The following HIRA variants were observed in gnomAD, a reference collection of about 807,000 sequenced individuals.
HIRA encodes the protein protein HIRA.
Under a neutral mutation model 126.6 loss-of-function variants are expected in HIRA, and 13 were observed. The observed-to-expected ratio is 0.10, with a 90% CI of 0.07 to 0.16. HIRA has a LOEUF of 0.16. Ranked by LOEUF, HIRA falls within the 10% of genes least tolerant of loss-of-function variation. The pLI is 1.00. For synonymous variants in HIRA, 511 were observed against 520.0 expected (o/e 0.98, Z 0.24); for missense variants, 834 against 1,314.4 (o/e 0.63, Z 5.65).
rs760656913 is a variant in HIRA, at chr22:19,353,430, G to A, written c.2774C>T (p.Ala925Val). 28 of 1,612,888 alleles carry A rather than the reference G, an allele frequency of 1.7e-5. No homozygotes were observed. The highest frequency in any genetic ancestry group is 2.2e-5 in the Non-Finnish European group (26 of 1,179,908). Reference protein sequence around the residue: ...TLAYLENQVAAALTLQSSHEY... With the variant: ...TLAYLENQVAVALTLQSSHEY... ...GTGGCTGGACTGCAGGGTGAGTGCTGCTGCCACCTGGTTCTCTAGGTAGGC... is the reference window on the plus strand; with the variant it reads ...GTGGCTGGACTGCAGGGTGAGTGCTACTGCCACCTGGTTCTCTAGGTAGGC... The change falls in exon 23 of 25, where the codon GCA becomes GTA. Residue 925 changes from alanine (A) to valine (V), a missense_variant. Ala to Val is a moderately conservative substitution (Grantham distance 64). Around this residue, in one of 5 missense-constraint regions of HIRA, gnomAD observed 468 missense variants for 574.2 expected, o/e 0.82. Transcript: ENST00000263208.
At chr22:19,373,392 A>G (rs528550711) in intron 15 of HIRA, among the ~76,000 whole-genome samples, 3 of 152,292 alleles carry the variant, frequency 2.0e-5, no homozygotes, top group Admixed American at 6.5e-5. Context: ...CCCAGTAAGT[A>G]TGTCTCCTGA....
intron 15 of HIRA, among the ~76,000 whole-genome samples, chr22:19,371,776 T>G (rs1465237243): frequency 6.6e-6 from 1 of 152,236 alleles, no homozygotes; most frequent in African/African-American, 2.4e-5. Flanking sequence ...CTTTAAGGTT[T>G]ATCGTTATTG....
At position 19,356,959 on chromosome 22, in the gene HIRA, G is replaced by A. The variant is rs781966878; in HGVS notation, c.2327C>T (p.Pro776Leu). The change falls in exon 19 of 25, where the codon CCG becomes CTG. Residue 776 changes from proline to leucine, a missense_variant. Physicochemically the swap from Pro to Leu is moderately conservative, Grantham distance 98. Coordinates refer to ENST00000263208, the MANE Select transcript of HIRA (RefSeq NM_003325.4). ...GCCTGTGCAATGCAAAGTAGAGATC[G>A]GGGATGGCAGGAGGATGGGAGAGAG... ...RLLSPILLPS[P>L]ISTLHCTGSY... 1.5e-5 allele frequency: 25 copies of A among 1,613,908 alleles called. No individual in the cohort carries two copies. The Middle Eastern group carries it at 4.9e-4, about 32-fold the overall frequency.
Position 19,351,243 on chromosome 22 carries a change from G to C in HIRA, c.2937+115C>G. ...TCACTGATGCTGGGACCTGAGGCTG[G>C]GTGCTGGAGAAGTCTAACGGGACAC... is the stretch of plus-strand genomic sequence containing the variant. On this transcript the variant is annotated intron_variant, in intron 24 of 24. Coordinates refer to ENST00000263208, the MANE Select transcript of HIRA (RefSeq NM_003325.4). The surrounding 1 kb of genome is among the most constrained non-coding windows in gnomAD (Gnocchi z 4.8). The C allele has an allele frequency of 7.0e-7, 1 of 1,434,454 alleles. No individual in the cohort carries two copies. Among genetic ancestry groups the C allele is most frequent in the Non-Finnish European group, 9.1e-7 (1 of 1,095,130 alleles). 88.9% of individuals were successfully genotyped at this position (1,434,454 alleles called of 1,614,324 possible).
intron 7 of HIRA, among the ~76,000 whole-genome samples, chr22:19,396,545 T>G (rs1422575326): frequency 6.6e-6 from 1 of 152,196 alleles, no homozygotes; most frequent in Admixed American, 6.5e-5. Context: ...AACAAAACTA[T>G]AAATCCCTTT....
At chr22:19,393,531 T>A (rs1321079883) in intron 8 of HIRA, among the ~76,000 whole-genome samples, 1 of 152,106 alleles carries the variant, frequency 6.6e-6, no homozygotes, top group Non-Finnish European at 1.5e-5. Context: ...CTAATTTTTG[T>A]ATTTTCAGTA....
intron 1 of HIRA, among the ~76,000 whole-genome samples, chr22:19,427,357 C>T (rs1276971490): frequency 1.3e-5 from 2 of 152,250 alleles, no homozygotes; most frequent in East Asian, 3.8e-4. Flanking sequence ...AATTCTCAGA[C>T]ATAGGTCTGC....
At position 19,356,385 on chromosome 22, in the gene HIRA, C is replaced by A. The variant is rs781789008; in HGVS notation, c.2397-97G>T. 12 of 1,044,798 alleles carry A rather than the reference C, an allele frequency of 1.1e-5. No homozygotes were observed. In the African/African-American group the frequency reaches 1.6e-4, roughly 14 times the overall value. 64.7% of individuals were successfully genotyped at this position (1,044,798 alleles called of 1,614,324 possible). ...GACACCCTGGCCCTACTGCATGCGACCCTAACCCTGGCCTCTCCTAGTGAG... is the reference window on the plus strand; with the variant it reads ...GACACCCTGGCCCTACTGCATGCGAACCTAACCCTGGCCTCTCCTAGTGAG... On this transcript the variant is annotated intron_variant, in intron 19 of 24. Coordinates refer to ENST00000263208, the MANE Select transcript of HIRA (RefSeq NM_003325.4).
chr22:19,354,436 G>T (rs2088790408), intron 21 of HIRA, among the ~76,000 whole-genome samples: 4 of 152,220 alleles, frequency 2.6e-5, no homozygotes, highest in Non-Finnish European at 1.5e-5. Context: ...AGTGTGCTCT[G>T]ATGCTCAGCT....
intron 1 of HIRA, among the ~76,000 whole-genome samples, chr22:19,430,566 A>G (rs1384015019): frequency 1.3e-5 from 2 of 151,480 alleles, no homozygotes; most frequent in Non-Finnish European, 2.9e-5. Flanking sequence ...CAGACAGGCC[A>G]GAATCAGGCC....
intron 2 of HIRA, 137 bp from the exon 3 acceptor site, chr22:19,408,730 T>C (rs934032302): frequency 1.6e-5 from 9 of 574,244 alleles, no homozygotes; most frequent in Non-Finnish European, 2.5e-5. Flanking sequence ...GGAGACTGAA[T>C]TTAAATTACT....
chr22:19,361,960 C>T (rs1569295929), intron 15 of HIRA, 29 bp from the exon 16 acceptor site: 1 of 1,599,698 alleles, frequency 6.3e-7, no homozygotes, highest in African/African-American at 1.3e-5. Flanking sequence ...TCACACTTCC[C>T]TTCAGAAACC....
intron 7 of HIRA, 121 bp downstream of exon 7, chr22:19,396,666 C>T: frequency 1.0e-6 from 1 of 978,528 alleles, no homozygotes. Context: ...CGCTCAGGCC[C>T]CCGGACTCTG....
At chr22:19,387,972 C>CA (rs1336192940) in intron 10 of HIRA, among the ~76,000 whole-genome samples, 156 bp from the exon 11 acceptor site, 617 of 36,926 alleles carry the variant, frequency 0.017, 6 homozygotes, top group African/African-American at 0.048. Flanking sequence ...TTGGCCTGGG[C>CA]GGGGGGGGGA....
At chr22:19,388,314 A>C (rs1262302833) in intron 10 of HIRA, among the ~76,000 whole-genome samples, 170 bp downstream of exon 10, 1 of 152,200 alleles carries the variant, frequency 6.6e-6, no homozygotes, top group East Asian at 1.9e-4. Context: ...CAGCAGGTAC[A>C]CCGCTGCCAG....
chr22:19,344,005 C>G (rs2088661012), intron 24 of HIRA, among the ~76,000 whole-genome samples: 2 of 151,946 alleles, frequency 1.3e-5, no homozygotes, highest in African/African-American at 4.8e-5. Context: ...AGCCACCACG[C>G]CTGGCTGAAA....
chr22:19,379,849 G>A (rs780299238), intron 13 of HIRA, among the ~76,000 whole-genome samples: 3 of 151,534 alleles, frequency 2.0e-5, no homozygotes, highest in Non-Finnish European at 4.4e-5. Context: ...TCGCTGTGTC[G>A]CCAGGCTGGA....
chr22:19,345,451 C>A (rs1208742427), intron 24 of HIRA, among the ~76,000 whole-genome samples: 1 of 152,202 alleles, frequency 6.6e-6, no homozygotes, highest in Non-Finnish European at 1.5e-5. Context: ...GCCTGCAACA[C>A]ACAACTTAAT....
chr22:19,408,304 C>T (rs1042489290), intron 3 of HIRA, among the ~76,000 whole-genome samples, 179 bp downstream of exon 3: 1 of 152,170 alleles, frequency 6.6e-6, no homozygotes, highest in African/African-American at 2.4e-5. Context: ...GTTCTGTGGG[C>T]GGGCCGAGTC....
Sources: allele counts gnomAD v4.1 joint callset (sites outside exome capture counted in the v4.1 genomes callset), GRCh38; gene constraint gnomAD v4.1.1; regional missense constraint gnomAD v4.1.1; non-coding constraint Gnocchi (gnomAD v3.1); transcripts MANE v1.5; gene names NCBI Gene and HGNC (gene_info 2026-07-23, HGNC 2026-07-21).